Variants in ABTB3 observed in about 807,000 individuals in gnomAD.
The protein encoded by ABTB3 is ankyrin repeat and BTB domain containing 3, also known as ankyrin repeat- and BTB/POZ domain-containing protein 3.
chr12:107,659,335 C>T, the ABTB3 span: 1 of 152,358 alleles, frequency 6.6e-6, no homozygotes, highest in South Asian at 2.1e-4. Flanking sequence ...CTCTCTTCCA[C>T]ATGATCATTT....
the ABTB3 span, among the ~76,000 whole-genome samples, chr12:107,425,916 G>A: frequency 6.6e-6 from 1 of 152,318 alleles, no homozygotes; most frequent in South Asian, 2.1e-4. Flanking sequence ...ACCCAGTTGG[G>A]TTCGACCATC....
chr12:107,589,330 C>T, the ABTB3 span, among the ~76,000 whole-genome samples: 1 of 152,160 alleles, frequency 6.6e-6, no homozygotes, highest in African/African-American at 2.4e-5. Flanking sequence ...GGTTGGTAGC[C>T]CTCACTGAGA....
the ABTB3 span, among the ~76,000 whole-genome samples, chr12:107,524,808 C>T: frequency 6.6e-6 from 1 of 152,208 alleles, no homozygotes; most frequent in Non-Finnish European, 1.5e-5. Flanking sequence ...ACTTGAGATT[C>T]CCCACCTCTG....
the ABTB3 span, among the ~76,000 whole-genome samples, chr12:107,600,549 G>T: frequency 0.016 from 2,377 of 152,234 alleles, 32 homozygotes; most frequent in Non-Finnish European, 0.025. Flanking sequence ...ATTCCCAGGG[G>T]CCCACACAGC....
chr12:107,520,045 G>A, the ABTB3 span, among the ~76,000 whole-genome samples: 2 of 152,024 alleles, frequency 1.3e-5, no homozygotes, highest in Non-Finnish European at 2.9e-5. Context: ...TAGATCTGTT[G>A]AACAAACAAA....
the ABTB3 span, chr12:107,614,973 C>A: frequency 9.1e-7 from 1 of 1,104,702 alleles, no homozygotes; most frequent in South Asian, 1.4e-5. Flanking sequence ...CCATCTCTAG[C>A]CCATGTGCCC....
chr12:107,625,201 T>C, the ABTB3 span, among the ~76,000 whole-genome samples: 4 of 152,256 alleles, frequency 2.6e-5, no homozygotes, highest in Middle Eastern at 3.2e-3. Flanking sequence ...TACTGTTGAA[T>C]TTTGAGTGTT....
the ABTB3 span, among the ~76,000 whole-genome samples, chr12:107,492,026 G>A: frequency 6.6e-6 from 1 of 152,096 alleles, no homozygotes; most frequent in Non-Finnish European, 1.5e-5. Flanking sequence ...GGCTTTTAAG[G>A]GTTTTGGAGT....
At chr12:107,413,922 C>A in the ABTB3 span, among the ~76,000 whole-genome samples, 1 of 152,166 alleles carries the variant, frequency 6.6e-6, no homozygotes, top group Non-Finnish European at 1.5e-5. Flanking sequence ...GCTTTCAATA[C>A]ACAGTGAAAT....
At chr12:107,393,369 G>T in the ABTB3 span, among the ~76,000 whole-genome samples, 1 of 152,006 alleles carries the variant, frequency 6.6e-6, no homozygotes, top group Non-Finnish European at 1.5e-5. Context: ...GAGAGCCAGG[G>T]AAATGAAAAT....
chr12:107,502,370 A>T, the ABTB3 span, among the ~76,000 whole-genome samples: 1 of 151,972 alleles, frequency 6.6e-6, no homozygotes, highest in South Asian at 2.1e-4. Context: ...GTGCCCAGCC[A>T]GCATTGGTAC....
the ABTB3 span, among the ~76,000 whole-genome samples, chr12:107,408,806 T>A: frequency 6.6e-6 from 1 of 152,156 alleles, no homozygotes; most frequent in Non-Finnish European, 1.5e-5. Flanking sequence ...CTCGGTGACT[T>A]TTTATTCATC....
At chr12:107,659,328 T>C in the ABTB3 span, 1 of 152,324 alleles carries the variant, frequency 6.6e-6, no homozygotes, top group Non-Finnish European at 1.5e-5. Context: ...ACAAGGCCTC[T>C]CTTCCACATG....
At chr12:107,388,158 G>A in the ABTB3 span, among the ~76,000 whole-genome samples, 1 of 151,906 alleles carries the variant, frequency 6.6e-6, no homozygotes, top group East Asian at 1.9e-4. Context: ...TTTTAGTAGA[G>A]ACGATGTTTC....
chr12:107,536,851 A>G, the ABTB3 span, among the ~76,000 whole-genome samples: 3 of 152,238 alleles, frequency 2.0e-5, no homozygotes, highest in African/African-American at 7.2e-5. Flanking sequence ...TAGAACTGCC[A>G]TATGATCCAA....
the ABTB3 span, among the ~76,000 whole-genome samples, chr12:107,519,940 A>G: frequency 2.0e-5 from 3 of 152,218 alleles, no homozygotes; most frequent in Non-Finnish European, 4.4e-5. Flanking sequence ...TACAAGTTAC[A>G]AAAGCCCATG....
the ABTB3 span, among the ~76,000 whole-genome samples, chr12:107,599,068 G>T: frequency 2.2e-4 from 34 of 152,280 alleles, no homozygotes; most frequent in African/African-American, 7.9e-4. Flanking sequence ...CTTGGTTTAG[G>T]TGTTGTTTCA....
chr12:107,633,509 A>G, the ABTB3 span, among the ~76,000 whole-genome samples: 1 of 152,168 alleles, frequency 6.6e-6, no homozygotes, highest in Non-Finnish European at 1.5e-5. Flanking sequence ...AGGGCATGCA[A>G]TCTTCTAGGA....
At chr12:107,649,374 C>A in the ABTB3 span, 3 of 1,151,784 alleles carry the variant, frequency 2.6e-6, no homozygotes, top group East Asian at 4.7e-5. Context: ...TCTGGAAGGA[C>A]CCGTGTTGGG....
Sources: gnomAD v4.1 joint callset for allele counts (sites outside exome capture counted in the v4.1 genomes callset) on GRCh38, gnomAD v4.1.1 for gene constraint, MANE v1.5 for transcripts, NCBI Gene and HGNC (gene_info 2026-07-23, HGNC 2026-07-21) for gene names.